KSR2: variants seen among roughly 807,000 people sequenced by gnomAD.
The protein encoded by KSR2 is kinase suppressor of ras 2.
KSR2 carries 25 observed loss-of-function variants against 107.8 expected under a neutral mutation model. That is an observed-to-expected ratio of 0.23 (90% CI 0.17 to 0.32). The LOEUF (loss-of-function observed/expected upper bound fraction) is 0.32, where lower values mean the gene tolerates loss of function less well. Among genes scored for constraint, KSR2 ranks in the 10% least tolerant of loss-of-function variants. The probability of loss-of-function intolerance (pLI) is 1.00; values close to 1 mark genes in which losing one functional copy is unlikely to be tolerated. For synonymous variants in KSR2, 480 were observed against 507.0 expected (o/e 0.95, Z 0.71); for missense variants, 887 against 1,268.9 (o/e 0.70, Z 4.57).
intron 3 of KSR2, among the ~76,000 whole-genome samples, chr12:117,764,657 C>T (rs2092262015): frequency 6.6e-6 from 1 of 152,182 alleles, no homozygotes; most frequent in African/African-American, 2.4e-5. Context: ...ATTACAGTAT[C>T]TACTCTCAAA....
At chr12:117,600,174 A>G (rs73211927) in intron 5 of KSR2, among the ~76,000 whole-genome samples, 1,549 of 152,330 alleles carry the variant, frequency 0.01, 11 homozygotes, top group Non-Finnish European at 0.016. Context: ...ACTCAGGGCC[A>G]GTGCTCAAAG....
At chr12:117,728,324 T>C (rs1036459338) in intron 4 of KSR2, among the ~76,000 whole-genome samples, 3 of 152,224 alleles carry the variant, frequency 2.0e-5, no homozygotes, top group Non-Finnish European at 2.9e-5. Flanking sequence ...CCAATGGTCA[T>C]ATGAGAAAAA....
intron 14 of KSR2, among the ~76,000 whole-genome samples, chr12:117,515,888 T>G (rs1332891000): frequency 6.6e-6 from 1 of 152,224 alleles, no homozygotes; most frequent in Non-Finnish European, 1.5e-5. Flanking sequence ...ATTGTGCCAC[T>G]GCACTCCAGC....
intron 4 of KSR2, among the ~76,000 whole-genome samples, chr12:117,756,463 T>G (rs10850895): frequency 0.2 from 31,101 of 152,172 alleles, 3,551 homozygotes; most frequent in East Asian, 0.35. Flanking sequence ...GCACTTTTGT[T>G]CACAGCATGG....
At chr12:117,576,235 C>T (rs529726019) in intron 7 of KSR2, among the ~76,000 whole-genome samples, 6 of 152,190 alleles carry the variant, frequency 3.9e-5, no homozygotes, top group Non-Finnish European at 7.3e-5. Flanking sequence ...AGCCTCCACA[C>T]GGCAGGTATG....
At chr12:117,665,933 G>A (rs998996435) in intron 5 of KSR2, among the ~76,000 whole-genome samples, 1 of 152,184 alleles carries the variant, frequency 6.6e-6, no homozygotes, top group Non-Finnish European at 1.5e-5. Flanking sequence ...TCACTATCAC[G>A]CTTTTCTTCA....
chr12:117,532,309 G>A (rs747914443), intron 10 of KSR2, among the ~76,000 whole-genome samples: 10 of 152,236 alleles, frequency 6.6e-5, no homozygotes, highest in East Asian at 1.9e-4. Flanking sequence ...TGTCTTTTCC[G>A]TTGTTTGAGG....
chr12:117,685,591 GCCTCCCTCTGGGGCCAA>G (rs532740496), intron 4 of KSR2, among the ~76,000 whole-genome samples: 2 of 152,336 alleles, frequency 1.3e-5, no homozygotes, highest in African/African-American at 4.8e-5. Context: ...GCATCTCCTG[GCCTCCCTCTGGGGCCAA>G]AGAGTGGAAC....
At chr12:117,922,918 G>A (rs373408123) in intron 1 of KSR2, among the ~76,000 whole-genome samples, 100 of 152,216 alleles carry the variant, frequency 6.6e-4, no homozygotes, top group African/African-American at 2.2e-3. Context: ...GTCTTTTCAC[G>A]GTCATCTGGG....
chr12:117,498,317 T>C (rs1873168422), intron 14 of KSR2, among the ~76,000 whole-genome samples: 1 of 151,912 alleles, frequency 6.6e-6, no homozygotes, highest in African/African-American at 2.4e-5. Flanking sequence ...CCCCCCAAAT[T>C]CAGGGCAGGG....
intron 5 of KSR2, among the ~76,000 whole-genome samples, chr12:117,651,354 G>A (rs759112467): frequency 1.3e-5 from 2 of 152,144 alleles, no homozygotes; most frequent in Non-Finnish European, 2.9e-5. Flanking sequence ...GAGGGTCCCT[G>A]GAGGTGAGGT....
At chr12:117,617,435 CTCTA>C (rs1593056326) in intron 5 of KSR2, among the ~76,000 whole-genome samples, 2 of 152,066 alleles carry the variant, frequency 1.3e-5, no homozygotes, top group Admixed American at 6.6e-5. Flanking sequence ...TGCTGTAATT[CTCTA>C]TCTAGTCATC....
intron 4 of KSR2, among the ~76,000 whole-genome samples, chr12:117,748,746 AT>A (rs1244315223): frequency 1.3e-5 from 2 of 152,188 alleles, no homozygotes; most frequent in Non-Finnish European, 2.9e-5. Context: ...GCTTAATGCA[AT>A]TATACTTATG....
chr12:117,477,753 T>C (rs751652030), intron 16 of KSR2, among the ~76,000 whole-genome samples: 80 of 152,216 alleles, frequency 5.3e-4, no homozygotes, highest in Non-Finnish European at 1.1e-3. Context: ...GAACACATCA[T>C]CCCATCCTAT....
At chr12:117,899,145 T>G (rs550949228) in intron 1 of KSR2, among the ~76,000 whole-genome samples, 1 of 152,188 alleles carries the variant, frequency 6.6e-6, no homozygotes, top group East Asian at 1.9e-4. Flanking sequence ...TTCCAGCAAC[T>G]CCCGCCCCAC....
chr12:117,606,595 T>C (rs146601625), intron 5 of KSR2, among the ~76,000 whole-genome samples: 8,286 of 18,422 alleles, frequency 0.45, 1,274 homozygotes, highest in South Asian at 0.55. Flanking sequence ...CTTCCTTCCT[T>C]CTTTCCTCCT....
chr12:117,730,600 T>C (rs974538339), intron 4 of KSR2, among the ~76,000 whole-genome samples: 1 of 151,974 alleles, frequency 6.6e-6, no homozygotes, highest in Non-Finnish European at 1.5e-5. Context: ...GCTCACCGCA[T>C]CCTCCCTGCC....
In KSR2 at chr12:117,465,453, CA is replaced by C. The variant is rs933798889; in HGVS notation, c.*1745del. On this transcript the variant is annotated 3_prime_UTR_variant, in exon 20 of 20. Coordinates refer to ENST00000339824, the MANE Select transcript of KSR2 (RefSeq NM_173598.6). The stretch of plus-strand genomic sequence containing the variant: ...ATTCAGGAGGGCCCTTTGGGAAACA[CA>C]GGGGTTTCCTGTAGCCAGGCTCCTG... 1 of 152,174 alleles carries C rather than the reference CA, an allele frequency of 6.6e-6. No homozygotes were observed. Among genetic ancestry groups the C allele is most frequent in the Non-Finnish European group, 1.5e-5 (1 of 68,050 alleles). 9.4% of individuals were successfully genotyped at this position (152,174 alleles called of 1,614,324 possible).
At chr12:117,636,064 T>C (rs1447228728) in intron 5 of KSR2, among the ~76,000 whole-genome samples, 1 of 152,210 alleles carries the variant, frequency 6.6e-6, no homozygotes, top group Non-Finnish European at 1.5e-5. Context: ...AGTCCTAGGA[T>C]GACAGGCGTG....
Sources: gnomAD v4.1 joint callset for allele counts (sites outside exome capture counted in the v4.1 genomes callset) on GRCh38, gnomAD v4.1.1 for gene constraint, MANE v1.5 for transcripts, NCBI Gene and HGNC (gene_info 2026-07-23, HGNC 2026-07-21) for gene names.